The following RNF180 variants were observed in gnomAD, a reference collection of about 807,000 sequenced individuals.
RNF180 encodes ring finger protein 180.
Under a neutral mutation model 59.2 loss-of-function variants are expected in RNF180, and 38 were observed. The ratio of observed to expected loss-of-function variants is 0.64; its 90% CI spans 0.50 to 0.84. The LOEUF is 0.84. Among genes scored for constraint, RNF180 ranks in the 40% least tolerant of loss-of-function variants. The probability of loss-of-function intolerance (pLI) is 0.00; values close to 1 mark genes in which losing one functional copy is unlikely to be tolerated. For missense variants in RNF180, 705 were observed against 700.9 expected (o/e 1.01, Z -0.07); for synonymous variants, 262 against 240.3 (o/e 1.09, Z -0.84).
chr5:64,349,295 T>TTTG (rs531009887), intron 7 of RNF180, among the ~76,000 whole-genome samples: 6 of 152,036 alleles, frequency 3.9e-5, no homozygotes, highest in Non-Finnish European at 8.8e-5. Flanking sequence ...AAGAAAGGAT[T>TTTG]TTGTTGTTGT....
chr5:64,262,816 T>C (rs1231562656), intron 5 of RNF180, among the ~76,000 whole-genome samples: 3 of 152,136 alleles, frequency 2.0e-5, no homozygotes, highest in African/African-American at 7.2e-5. Context: ...GAGCCACAGG[T>C]ACTTTTTATT....
chr5:64,224,062 G>GT (rs1741515200), intron 5 of RNF180, among the ~76,000 whole-genome samples: 1 of 141,348 alleles, frequency 7.1e-6, no homozygotes, highest in African/African-American at 2.6e-5. Flanking sequence ...TCTAGGTTGG[G>GT]GTGTGTGTGT....
chr5:64,231,646 A>G (rs1486196340), intron 5 of RNF180, among the ~76,000 whole-genome samples: 3 of 152,230 alleles, frequency 2.0e-5, no homozygotes, highest in Non-Finnish European at 4.4e-5. Flanking sequence ...AGTTTGGGGA[A>G]TAGTGTATGT....
intron 7 of RNF180, among the ~76,000 whole-genome samples, chr5:64,348,973 A>G (rs967660724): frequency 6.6e-6 from 1 of 152,120 alleles, no homozygotes; most frequent in Admixed American, 6.6e-5. Context: ...TAAGCTTAAG[A>G]TTTTAACTAC....
chr5:64,235,068 G>A (rs1580074822), intron 5 of RNF180, among the ~76,000 whole-genome samples: 1 of 152,228 alleles, frequency 6.6e-6, no homozygotes, highest in East Asian at 1.9e-4. Flanking sequence ...CTTTATCCCA[G>A]GAGTTTGAGA....
At chr5:64,219,920 C>A (rs79887204) in intron 5 of RNF180, among the ~76,000 whole-genome samples, 1,776 of 152,262 alleles carry the variant, frequency 0.012, 34 homozygotes, top group African/African-American at 0.04. Flanking sequence ...AATGCAATTT[C>A]TTTAATAATT....
chr5:64,267,501 A>C (rs1306715008), intron 5 of RNF180, among the ~76,000 whole-genome samples: 89 of 131,396 alleles, frequency 6.8e-4, no homozygotes, highest in African/African-American at 1.3e-3. Flanking sequence ...ATCCCTCCCC[A>C]CTCCCCCCAC....
chr5:64,266,755 A>G (rs1744702725), intron 5 of RNF180, among the ~76,000 whole-genome samples: 1 of 152,156 alleles, frequency 6.6e-6, no homozygotes, highest in South Asian at 2.1e-4. Flanking sequence ...GGGAGTAGAG[A>G]GTAGGTGTAA....
At chr5:64,369,467 A>AAT in intron 7 of RNF180, 148 bp from the exon 8 acceptor site, 1 of 133,802 alleles carries the variant, frequency 7.5e-6, no homozygotes, top group South Asian at 1.8e-4. Flanking sequence ...TAATAATAAT[A>AAT]AAAAAAAAAG....
intron 1 of RNF180, among the ~76,000 whole-genome samples, chr5:64,177,526 C>CAT (rs58046669): frequency 0.043 from 4,446 of 103,288 alleles, 181 homozygotes; most frequent in Non-Finnish European, 0.056. Context: ...TAAATTATGC[C>CAT]ATATATATAT....
chr5:64,228,915 C>CT (rs373212886), intron 5 of RNF180, among the ~76,000 whole-genome samples: 3,734 of 98,390 alleles, frequency 0.038, 130 homozygotes, highest in African/African-American at 0.069. Context: ...TCTATTACTG[C>CT]TTTTTTTTTT....
intron 1 of RNF180, among the ~76,000 whole-genome samples, chr5:64,185,601 A>C (rs1311187589): frequency 1.3e-5 from 2 of 152,266 alleles, no homozygotes; most frequent in Non-Finnish European, 2.9e-5. Context: ...AATGAAATAA[A>C]GAATGTGGTT....
intron 5 of RNF180, among the ~76,000 whole-genome samples, chr5:64,266,022 G>A (rs1344927725): frequency 6.6e-6 from 1 of 152,074 alleles, no homozygotes; most frequent in African/African-American, 2.4e-5. Flanking sequence ...CTCACTGTTT[G>A]TCTATTATTG....
intron 7 of RNF180, among the ~76,000 whole-genome samples, chr5:64,344,363 A>G (rs1745471224): frequency 6.6e-6 from 1 of 152,054 alleles, no homozygotes; most frequent in African/African-American, 2.4e-5. Context: ...ATTTCATGGC[A>G]ATAAAAGAGG....
chr5:64,187,027 C>T (rs1368703703), intron 1 of RNF180, among the ~76,000 whole-genome samples: 2 of 152,082 alleles, frequency 1.3e-5, no homozygotes. Flanking sequence ...AGACAGGTAG[C>T]AATTAAAATG....
At chr5:64,226,631 C>T (rs980160523) in intron 5 of RNF180, among the ~76,000 whole-genome samples, 2 of 151,704 alleles carry the variant, frequency 1.3e-5, no homozygotes, top group Admixed American at 1.3e-4. Flanking sequence ...ACATCCCCCT[C>T]TCTGAGAAAC....
chr5:64,248,090 C>T (rs569865111), intron 5 of RNF180, among the ~76,000 whole-genome samples: 1 of 152,174 alleles, frequency 6.6e-6, no homozygotes, highest in Non-Finnish European at 1.5e-5. Context: ...ATCCTTACAC[C>T]TTATACAAAA....
intron 7 of RNF180, among the ~76,000 whole-genome samples, chr5:64,339,937 T>C (rs527383354): frequency 6.5e-4 from 99 of 152,324 alleles, no homozygotes; most frequent in Non-Finnish European, 1.1e-3. Flanking sequence ...GGAAATAATC[T>C]AGATAAATGT....
chr5:64,169,765 C>G (rs146673869), intron 1 of RNF180, among the ~76,000 whole-genome samples: 1,862 of 152,342 alleles, frequency 0.012, 19 homozygotes, highest in Non-Finnish European at 0.02. Flanking sequence ...TAGAGCAATT[C>G]TGTTAATACC....
Sources: allele counts gnomAD v4.1 joint callset (sites outside exome capture counted in the v4.1 genomes callset), GRCh38; gene constraint gnomAD v4.1.1; transcripts MANE v1.5; gene names NCBI Gene and HGNC (gene_info 2026-07-23, HGNC 2026-07-21).